Variants in FAM170A observed in about 807,000 individuals in gnomAD.
FAM170A encodes the protein protein FAM170A.
In FAM170A, 28 loss-of-function variants were observed where a neutral mutation model predicts 36.6. That is an observed-to-expected ratio of 0.76 (90% confidence interval 0.57 to 1.05). The LOEUF (loss-of-function observed/expected upper bound fraction) is 1.05. Among genes scored for constraint, FAM170A ranks in the 50% least tolerant of loss-of-function variants. FAM170A has a pLI of 0.00. For missense variants in FAM170A, 434 were observed against 396.5 expected (o/e 1.09, Z -0.80); for synonymous variants, 156 against 143.9 (o/e 1.08, Z -0.60).
chr5:119,634,195 G>A, exon 3 of FAM170A: 5 of 1,614,182 alleles, frequency 3.1e-6, no homozygotes, highest in African/African-American at 1.3e-5. Context: ...AGGAAACTTT[G>A]GAGTCCTTAG....
intron 4 of FAM170A, among the ~76,000 whole-genome samples, chr5:119,635,311 C>A (rs147482444): frequency 6.6e-6 from 1 of 152,172 alleles, no homozygotes; most frequent in Non-Finnish European, 1.5e-5. Context: ...GTCCTCAATT[C>A]TAAGAGGAGG....
At chr5:119,635,343 C>T (rs1258707039) in intron 4 of FAM170A, among the ~76,000 whole-genome samples, 3 of 152,166 alleles carry the variant, frequency 2.0e-5, no homozygotes, top group Non-Finnish European at 2.9e-5. Context: ...TTCTAGGCAG[C>T]GGAAGCTCAG....
chr5:119,630,720 G>A (rs1399989226), intron 1 of FAM170A, among the ~76,000 whole-genome samples: 1 of 152,168 alleles, frequency 6.6e-6, no homozygotes, highest in East Asian at 1.9e-4. Context: ...CACTTACAAA[G>A]ACCCAGTGAT....
intron 4 of FAM170A, among the ~76,000 whole-genome samples, chr5:119,635,356 T>A (rs544002710): frequency 6.6e-6 from 1 of 152,196 alleles, no homozygotes; most frequent in South Asian, 2.1e-4. Context: ...AAGCTCAGTG[T>A]AACCTCAAGG....
chr5:119,634,370 A>G (rs924745820), exon 3 of FAM170A: 10 of 1,613,950 alleles, frequency 6.2e-6, no homozygotes, highest in Non-Finnish European at 8.5e-6. Flanking sequence ...AGGCTCACCC[A>G]CCGTTGAGGA....
intron 1 of FAM170A, among the ~76,000 whole-genome samples, chr5:119,631,679 AC>A (rs1490561101): frequency 1.3e-5 from 2 of 151,778 alleles, no homozygotes; most frequent in African/African-American, 4.8e-5. Context: ...TACTCACACA[AC>A]CCATGTGTGT....
At chr5:119,633,569 G>A (rs1477620039) in intron 2 of FAM170A, among the ~76,000 whole-genome samples, 1 of 151,926 alleles carries the variant, frequency 6.6e-6, no homozygotes, top group East Asian at 1.9e-4. Flanking sequence ...ACAGCCACAC[G>A]CTCCACAGGT....
intron 2 of FAM170A, 82 bp downstream of exon 2, chr5:119,632,970 T>C: frequency 7.0e-7 from 1 of 1,435,558 alleles, no homozygotes; most frequent in Non-Finnish European, 9.4e-7. Flanking sequence ...TGTGGGGCTC[T>C]GTGGGCATGA....
At chr5:119,632,623 C>A in intron 1 of FAM170A, 125 bp from the exon 2 acceptor site, 1 of 860,994 alleles carries the variant, frequency 1.2e-6, no homozygotes, top group Non-Finnish European at 1.7e-6. Flanking sequence ...AAGCCTGTCT[C>A]ACAAACCATG....
exon 3 of FAM170A, chr5:119,634,003 C>A (rs1243020373): frequency 6.2e-7 from 1 of 1,614,000 alleles, no homozygotes; most frequent in African/African-American, 1.3e-5. Flanking sequence ...CTCAATCACC[C>A]CTGGCCCAGG....
chr5:119,634,841 T>C (rs1292723002), intron 3 of FAM170A, 107 bp downstream of exon 3: 3 of 1,308,512 alleles, frequency 2.3e-6, no homozygotes, highest in Non-Finnish European at 1.1e-6. Flanking sequence ...ATTTGGGGGC[T>C]TTATTGGCTC....
Position 119,632,871 on chromosome 5 carries a change from G to T in FAM170A, c.194G>T (p.Arg65Leu), listed in dbSNP as rs766507322. 2.5e-6 allele frequency: 4 copies of T among 1,608,802 alleles called. No individual in the cohort carries two copies. In the East Asian group the frequency reaches 8.9e-5, roughly 36 times the overall value. The change falls in exon 2 of 5, where the codon CGC (arginine) becomes CTC (leucine). Residue 65 changes from arginine (R) to leucine (L), a missense_variant. Transcript: ENST00000613773. The stretch of plus-strand genomic sequence containing the variant: ...TACTGCTCCTGCGTTTCTTCTTCAC[G>T]CAAGCTCATCCACAGTGGTAAGGGT...
chr5:119,632,645 C>T, intron 1 of FAM170A, 103 bp from the exon 2 acceptor site: 2 of 1,121,304 alleles, frequency 1.8e-6, no homozygotes, highest in Non-Finnish European at 2.5e-6. Flanking sequence ...GTGTTCACTA[C>T]ACCTGACATA....
chr5:119,634,709 G>C, exon 3 of FAM170A: 1 of 1,546,970 alleles, frequency 6.5e-7, no homozygotes, highest in East Asian at 2.2e-5. Flanking sequence ...TCCAGGCTGT[G>C]TGTTTCATTC....
At position 119,635,686 on chromosome 5, in the gene FAM170A, T is replaced by G. The variant is rs1357023272; in HGVS notation, c.*53-14T>G. 1.3e-5 allele frequency: 2 copies of G among 154,660 alleles called. No individual in the cohort carries two copies. The highest frequency in any genetic ancestry group is 3.8e-4 in the East Asian group (2 of 5,196). The allele number at this position is 154,660 out of a possible 1,614,324, so 9.6% of individuals were successfully genotyped here. A position where few individuals can be genotyped will look rare whatever the true frequency, so the allele number is the denominator to read the frequency against. Reference sequence around the variant, plus strand: ...CTCTTCCTCTTCTGCCTCAATTGTTTTCTTCACTTCCAGGGAGAAGAAAGA... The same window carrying G: ...CTCTTCCTCTTCTGCCTCAATTGTTGTCTTCACTTCCAGGGAGAAGAAAGA... On this transcript the variant is annotated splice_polypyrimidine_tract_variant and intron_variant, in intron 4 of 4. Transcript: ENST00000613773.
exon 3 of FAM170A, chr5:119,634,720 T>G: frequency 6.5e-7 from 1 of 1,541,720 alleles, no homozygotes. Context: ...TGTTTCATTC[T>G]CCAAAGGACA....
At chr5:119,634,861 T>C (rs368340815) in intron 3 of FAM170A, 127 bp downstream of exon 3, 2 of 1,230,248 alleles carry the variant, frequency 1.6e-6, no homozygotes, top group African/African-American at 1.5e-5. Context: ...CAGGGAACAA[T>C]GGAGGGGGAC....
At chr5:119,635,192 C>G (rs897386671) in intron 4 of FAM170A, 106 bp downstream of exon 4, 5 of 739,274 alleles carry the variant, frequency 6.8e-6, no homozygotes, top group South Asian at 1.6e-5. Context: ...GGCTCTGCAG[C>G]CACATCAACT....
At chr5:119,635,107 T>A (rs980166244) in intron 4 of FAM170A, 21 bp downstream of exon 4, 2 of 1,553,086 alleles carry the variant, frequency 1.3e-6, no homozygotes, top group African/African-American at 1.4e-5. Context: ...AGACTTGCAG[T>A]TTTCTGAGGC....
Sources: gnomAD v4.1 joint callset for allele counts (sites outside exome capture counted in the v4.1 genomes callset) on GRCh38, gnomAD v4.1.1 for gene constraint, MANE v1.5 for transcripts, NCBI Gene and HGNC (gene_info 2026-07-23, HGNC 2026-07-21) for gene names.